The following KCNH1 variants were observed in gnomAD, a reference collection of about 807,000 sequenced individuals.
KCNH1 encodes potassium voltage-gated channel subfamily H member 1, also known as voltage-gated delayed rectifier potassium channel KCNH1.
Under a neutral mutation model 69.2 loss-of-function variants are expected in KCNH1, and 27 were observed. The observed-to-expected ratio is 0.39, with a 90% CI of 0.29 to 0.54. The LOEUF (loss-of-function observed/expected upper bound fraction) is 0.54. Ranked by LOEUF, KCNH1 falls within the 20% of genes least tolerant of loss-of-function variation. KCNH1 has a pLI of 0.68. For synonymous variants in KCNH1, 456 were observed against 487.7 expected (o/e 0.93, Z 0.86); for missense variants, 798 against 1,261.6 (o/e 0.63, Z 5.57).
At chr1:211,032,463 A>G (rs1050781501) in intron 5 of KCNH1, among the ~76,000 whole-genome samples, 7 of 152,226 alleles carry the variant, frequency 4.6e-5, no homozygotes, top group Non-Finnish European at 8.8e-5. Context: ...AGTCAATCCT[A>G]AGCCAAAAGA....
chr1:210,814,072 C>A (rs1273091653), intron 7 of KCNH1, among the ~76,000 whole-genome samples: 1 of 151,964 alleles, frequency 6.6e-6, no homozygotes, highest in Non-Finnish European at 1.5e-5. Flanking sequence ...TCTTTATTGG[C>A]AGCATGAAAA....
At chr1:210,819,546 T>C (rs1450323481) in intron 7 of KCNH1, among the ~76,000 whole-genome samples, 1 of 151,366 alleles carries the variant, frequency 6.6e-6, no homozygotes, top group Non-Finnish European at 1.5e-5. Flanking sequence ...ATCCTGAGAG[T>C]AGAGAGAAAC....
intron 6 of KCNH1, among the ~76,000 whole-genome samples, chr1:210,958,399 T>G (rs550560101): frequency 6.6e-6 from 1 of 152,286 alleles, no homozygotes; most frequent in African/African-American, 2.4e-5. Context: ...GGGGTTGCTC[T>G]TCTCAAAAAG....
chr1:210,861,703 G>A, intron 7 of KCNH1: 1 of 774,542 alleles, frequency 1.3e-6, no homozygotes, highest in African/African-American at 1.7e-5. Context: ...GATGACGACA[G>A]ACTGATCAGA....
At chr1:210,752,958 G>T (rs894053659) in intron 10 of KCNH1, among the ~76,000 whole-genome samples, 2 of 152,126 alleles carry the variant, frequency 1.3e-5, no homozygotes. Context: ...AGGGGTGAAG[G>T]CCATATGAAC....
At chr1:210,844,595 T>G (rs1156829016) in intron 7 of KCNH1, among the ~76,000 whole-genome samples, 1 of 152,174 alleles carries the variant, frequency 6.6e-6, no homozygotes, top group East Asian at 1.9e-4. Context: ...GAGGGAAATT[T>G]ATAGCACTAA....
At chr1:210,950,271 A>G (rs545979099) in intron 6 of KCNH1, among the ~76,000 whole-genome samples, 1 of 149,674 alleles carries the variant, frequency 6.7e-6, no homozygotes, top group African/African-American at 2.5e-5. Context: ...CACATTGTGC[A>G]GGTTAGTTAC....
Position 210,872,071 on chromosome 1 carries a change from AC to A in KCNH1, c.1462+47568del, listed in dbSNP as rs1213204823. ...GTATAATAATAATAAATTAAAAAAA[AC>A]AAAATATATACATAATATGATCTCG... On this transcript the variant is annotated intron_variant, in intron 7 of 10. Transcript: ENST00000271751. Among the ~76,000 whole-genome samples the A allele has an allele frequency of 3.2e-3, 488 of 151,890 alleles. 4 individuals carry two copies. The highest frequency in any genetic ancestry group is 5.1e-3 in the Non-Finnish European group (347 of 67,948).
At chr1:211,033,063 A>G (rs1239241441) in intron 5 of KCNH1, among the ~76,000 whole-genome samples, 1 of 152,236 alleles carries the variant, frequency 6.6e-6, no homozygotes, top group Non-Finnish European at 1.5e-5. Context: ...ATAAATTTAC[A>G]AGAAAAAAAC....
chr1:210,985,215 GAT>G (rs990911933), intron 6 of KCNH1, among the ~76,000 whole-genome samples: 6 of 151,974 alleles, frequency 3.9e-5, no homozygotes, highest in Admixed American at 6.6e-5. Flanking sequence ...CAATTTTGTT[GAT>G]CTTTTCAAAA....
At chr1:210,993,877 C>G (rs1688976758) in intron 6 of KCNH1, among the ~76,000 whole-genome samples, 1 of 151,966 alleles carries the variant, frequency 6.6e-6, no homozygotes, top group African/African-American at 2.4e-5. Context: ...AAGTCACCAA[C>G]CTCTATGTGT....
At chr1:210,936,390 G>C (rs1687775128) in intron 6 of KCNH1, among the ~76,000 whole-genome samples, 1 of 152,140 alleles carries the variant, frequency 6.6e-6, no homozygotes, top group African/African-American at 2.4e-5. Flanking sequence ...CTTTCCGCCA[G>C]CACCCTGCTT....
At chr1:210,793,937 G>A (rs1022743694) in intron 9 of KCNH1, among the ~76,000 whole-genome samples, 5 of 152,198 alleles carry the variant, frequency 3.3e-5, no homozygotes, top group African/African-American at 1.2e-4. Flanking sequence ...CAGGAGGCTG[G>A]ACTAATGTTT....
At chr1:211,067,728 T>C (rs1437143949) in intron 5 of KCNH1, among the ~76,000 whole-genome samples, 1 of 152,124 alleles carries the variant, frequency 6.6e-6, no homozygotes. Context: ...CTGGTCGCCC[T>C]CATATAAGCA....
In KCNH1 at chr1:210,724,822, T is replaced by C. The variant is rs1028252620; in HGVS notation, c.2113-40684A>G. Among the ~76,000 whole-genome samples, 13 of 152,312 alleles carry C rather than the reference T, an allele frequency of 8.5e-5. 1 individual carries two copies. Among genetic ancestry groups the C allele is most frequent in the African/African-American group, 3.1e-4 (13 of 41,574 alleles). ...ATCTGTTCAGACAGATGCGTCCTGC[T>C]GCCAATTCCAATGAATGCTTCAGTT... On this transcript the variant is annotated intron_variant, in intron 10 of 10. Coordinates refer to ENST00000271751, the MANE Select transcript of KCNH1 (RefSeq NM_172362.3).
chr1:211,042,501 A>G (rs1690014913), intron 5 of KCNH1, among the ~76,000 whole-genome samples: 1 of 152,230 alleles, frequency 6.6e-6, no homozygotes, highest in South Asian at 2.1e-4. Flanking sequence ...AATGAGATAT[A>G]CAGCAACACA....
At chr1:210,978,720 C>T (rs1574374766) in intron 6 of KCNH1, among the ~76,000 whole-genome samples, 3 of 152,306 alleles carry the variant, frequency 2.0e-5, no homozygotes, top group Non-Finnish European at 2.9e-5. Flanking sequence ...TAAGCCTAAA[C>T]TCTTAAGAGT....
chr1:210,938,315 T>C (rs1257429988), intron 6 of KCNH1, among the ~76,000 whole-genome samples: 2 of 152,230 alleles, frequency 1.3e-5, no homozygotes, highest in Non-Finnish European at 2.9e-5. Flanking sequence ...ATACATATAA[T>C]ATCTCTAGAA....
chr1:210,963,870 A>G (rs1688344826), intron 6 of KCNH1, among the ~76,000 whole-genome samples: 1 of 152,214 alleles, frequency 6.6e-6, no homozygotes. Context: ...AACACTCTTC[A>G]GGATATTATC....
Sources: allele counts gnomAD v4.1 joint callset (sites outside exome capture counted in the v4.1 genomes callset), GRCh38; gene constraint gnomAD v4.1.1; transcripts MANE v1.5; gene names NCBI Gene and HGNC (gene_info 2026-07-23, HGNC 2026-07-21).